VEZT: variants seen among roughly 807,000 people sequenced by gnomAD.
The protein encoded by VEZT is vezatin, adherens junctions transmembrane protein.
Under a neutral mutation model 79.9 loss-of-function variants are expected in VEZT, and 39 were observed. The ratio of observed to expected loss-of-function variants is 0.49; its 90% confidence interval spans 0.38 to 0.64. The LOEUF (loss-of-function observed/expected upper bound fraction) is 0.64, where lower values mean the gene tolerates loss of function less well. Ranked by LOEUF, VEZT falls within the 30% of genes least tolerant of loss-of-function variation. VEZT has a pLI of 0.00. For missense variants in VEZT, 837 were observed against 893.1 expected (o/e 0.94, Z 0.80); for synonymous variants, 325 against 327.6 (o/e 0.99, Z 0.09).
At chr12:95,268,476 C>A (rs1238702457) in intron 5 of VEZT, among the ~76,000 whole-genome samples, 1 of 152,002 alleles carries the variant, frequency 6.6e-6, no homozygotes, top group African/African-American at 2.4e-5. Context: ...CCAGCCTGGA[C>A]GACAGAGCGA....
At chr12:95,234,378 C>T (rs975452736) in intron 1 of VEZT, among the ~76,000 whole-genome samples, 19 of 151,706 alleles carry the variant, frequency 1.3e-4, no homozygotes, top group Admixed American at 4.6e-4. Flanking sequence ...ACCTCCCCGC[C>T]GGCCGGGTTC....
At chr12:95,254,258 T>A (rs1283486958) in intron 2 of VEZT, among the ~76,000 whole-genome samples, 1 of 151,682 alleles carries the variant, frequency 6.6e-6, no homozygotes, top group Non-Finnish European at 1.5e-5. Flanking sequence ...CTTACAGATG[T>A]GAGCCACCAC....
At chr12:95,241,827 C>T (rs989768752) in intron 1 of VEZT, among the ~76,000 whole-genome samples, 1 of 152,032 alleles carries the variant, frequency 6.6e-6, no homozygotes, top group African/African-American at 2.4e-5. Context: ...ATGAACTTTA[C>T]ATTAGTTTGT....
chr12:95,285,558 C>T (rs954298022), intron 8 of VEZT, among the ~76,000 whole-genome samples: 3 of 152,156 alleles, frequency 2.0e-5, no homozygotes, highest in African/African-American at 7.2e-5. Context: ...AGTTGTTCCC[C>T]ATCTGTCCTT....
intron 1 of VEZT, among the ~76,000 whole-genome samples, chr12:95,247,183 A>G (rs1179792069): frequency 6.6e-6 from 1 of 152,222 alleles, no homozygotes; most frequent in Non-Finnish European, 1.5e-5. Context: ...AAAGCTCATC[A>G]GATGGTTGCA....
At chr12:95,227,583 C>T (rs1404890521) in intron 1 of VEZT, among the ~76,000 whole-genome samples, 2 of 152,148 alleles carry the variant, frequency 1.3e-5, no homozygotes, top group East Asian at 1.9e-4. Flanking sequence ...TCAGGTGATC[C>T]ATCCGCCTCG....
intron 2 of VEZT, among the ~76,000 whole-genome samples, chr12:95,256,832 GGCT>G (rs1342871803): frequency 2.0e-5 from 3 of 152,038 alleles, no homozygotes; most frequent in Non-Finnish European, 4.4e-5. Flanking sequence ...AGGATAAATG[GGCT>G]GCTTCAGAAT....
intron 8 of VEZT, chr12:95,286,738 AT>A: frequency 6.1e-6 from 2 of 329,350 alleles, no homozygotes; most frequent in Non-Finnish European, 1.2e-5. Context: ...TATCTAGTAC[AT>A]TTTCCACCAC....
intron 1 of VEZT, among the ~76,000 whole-genome samples, chr12:95,222,162 A>G (rs1330366467): frequency 6.6e-6 from 1 of 152,174 alleles, no homozygotes; most frequent in African/African-American, 2.4e-5. Context: ...CTTTCAATGA[A>G]CAGAAGCTCC....
intron 8 of VEZT, among the ~76,000 whole-genome samples, chr12:95,287,236 A>G (rs926974930): frequency 6.6e-6 from 1 of 152,192 alleles, no homozygotes; most frequent in Non-Finnish European, 1.5e-5. Context: ...TGTACAGTTC[A>G]GTGGCATTAA....
rs769460106 is a variant in VEZT, at chr12:95,262,901, G to A, written c.259-5G>A. On this transcript the variant is annotated splice_polypyrimidine_tract_variant and splice_region_variant and intron_variant, in intron 3 of 11. Coordinates refer to ENST00000436874, the MANE Select transcript of VEZT (RefSeq NM_017599.4). The stretch of plus-strand genomic sequence containing the variant: ...ATACCTCTCTTCTGGTATTTTAATG[G>A]CAAGGATATTGGATTCCGACTCGAC... The A allele has an allele frequency of 9.6e-6, 15 of 1,567,864 alleles. No homozygotes were observed. Among genetic ancestry groups the A allele is most frequent in the Non-Finnish European group, 1.1e-5 (13 of 1,149,078 alleles).
chr12:95,269,027 A>T lies in VEZT; in HGVS notation c.711-1024A>T, dbSNP rs546104747. Among the ~76,000 whole-genome samples the T allele has an allele frequency of 7.2e-5, 11 of 152,240 alleles. No homozygotes were observed. The South Asian group carries it at 2.3e-3, about 32-fold the overall frequency. ...ATCCTCTGCTTTTTATAGATTTTTT[A>T]AAATTTGGTTTTTATAGATTTTTAA... On this transcript the variant is annotated intron_variant, in intron 5 of 11. Coordinates refer to ENST00000436874, the MANE Select transcript of VEZT (RefSeq NM_017599.4).
chr12:95,253,669 G>T (rs1423232775), intron 2 of VEZT, among the ~76,000 whole-genome samples: 1 of 152,110 alleles, frequency 6.6e-6, no homozygotes, highest in East Asian at 1.9e-4. Flanking sequence ...GGTTTTATAG[G>T]TATTATTGTC....
At chr12:95,237,796 TATTAGCCTTAGGCTA>T (rs1348872965) in intron 1 of VEZT, among the ~76,000 whole-genome samples, 4 of 152,248 alleles carry the variant, frequency 2.6e-5, no homozygotes, top group African/African-American at 9.6e-5. Context: ...TGCTACTTTA[TATTAGCCTTAGGCTA>T]ATAAGTATAG....
intron 7 of VEZT, among the ~76,000 whole-genome samples, chr12:95,278,853 G>A (rs2068363251): frequency 6.6e-6 from 1 of 152,242 alleles, no homozygotes. Flanking sequence ...CGGATCAACT[G>A]AGGTTGGGAG....
chr12:95,290,189 A>C (rs2072357316), intron 9 of VEZT, among the ~76,000 whole-genome samples: 1 of 152,212 alleles, frequency 6.6e-6, no homozygotes, highest in Admixed American at 6.5e-5. Context: ...CTTTTCCTTA[A>C]AGTCTTTCAT....
At position 95,300,579 on chromosome 12, in the gene VEZT, C is replaced by G. The variant is rs777106680; in HGVS notation, c.2246C>G (p.Ser749Cys). The change falls in exon 12 of 12, where the codon TCT (serine) becomes TGT (cysteine). Residue 749 changes from serine to cysteine, a missense_variant. Ser to Cys is a moderately radical substitution (Grantham distance 112). Coordinates refer to ENST00000436874, the MANE Select transcript of VEZT (RefSeq NM_017599.4). ...AGLAAEVAAR[S>C]LSFTTMQEQT... Reference sequence around the variant, plus strand: ...CTTGCTGCAGAAGTGGCTGCTAGATCTCTCTCCTTTACCACCATGCAGGAA... The same window carrying G: ...CTTGCTGCAGAAGTGGCTGCTAGATGTCTCTCCTTTACCACCATGCAGGAA... 20 of 1,613,786 alleles carry G rather than the reference C, an allele frequency of 1.2e-5. No individual in the cohort carries two copies. Among genetic ancestry groups the G allele is most frequent in the Middle Eastern group, 1.6e-4 (1 of 6,082 alleles).
At chr12:95,296,355 T>C in intron 11 of VEZT, 97 bp downstream of exon 11, 1 of 1,191,474 alleles carries the variant, frequency 8.4e-7, no homozygotes, top group Non-Finnish European at 1.2e-6. Context: ...TTCTTGGGGT[T>C]TTATAAGGGT....
intron 7 of VEZT, among the ~76,000 whole-genome samples, chr12:95,280,600 ATCTT>A (rs2068845516): frequency 6.6e-6 from 1 of 151,734 alleles, no homozygotes; most frequent in South Asian, 2.1e-4. Context: ...AAGAAACACT[ATCTT>A]TCTTTTTCTT....
Sources: allele counts gnomAD v4.1 joint callset (sites outside exome capture counted in the v4.1 genomes callset), GRCh38; gene constraint gnomAD v4.1.1; transcripts MANE v1.5; gene names NCBI Gene and HGNC (gene_info 2026-07-23, HGNC 2026-07-21).